The following AGBL4 variants were observed in gnomAD, a reference collection of about 807,000 sequenced individuals.
AGBL4 encodes the protein cytosolic carboxypeptidase 6.
In AGBL4, 58 loss-of-function variants were observed where a neutral mutation model predicts 66.4. The observed-to-expected ratio is 0.87, with a 90% CI of 0.71 to 1.09. The LOEUF (loss-of-function observed/expected upper bound fraction) is 1.09, where lower values mean the gene tolerates loss of function less well. Ranked by LOEUF, AGBL4 falls within the 50% of genes least tolerant of loss-of-function variation. The pLI, the probability that AGBL4 is intolerant of heterozygous loss-of-function variation, is 0.00. For missense variants in AGBL4, 579 were observed against 631.0 expected, an observed-to-expected ratio of 0.92 and a Z score of 0.88; for synonymous variants, 234 against 222.9, an observed-to-expected ratio of 1.05 and a Z score of -0.44.
At chr1:48,894,848 G>C (rs774123141) in intron 5 of AGBL4, among the ~76,000 whole-genome samples, 1 of 152,284 alleles carries the variant, frequency 6.6e-6, no homozygotes, top group Middle Eastern at 3.4e-3. Flanking sequence ...AAAACAAAGA[G>C]GTTTCCAGTA....
chr1:48,575,107 G>A (rs1254314142), intron 11 of AGBL4, among the ~76,000 whole-genome samples: 1 of 152,108 alleles, frequency 6.6e-6, no homozygotes. Flanking sequence ...ATGGGATCTC[G>A]GGCAGGGTAG....
intron 9 of AGBL4, among the ~76,000 whole-genome samples, chr1:48,603,843 T>C (rs1569968072): frequency 6.6e-6 from 1 of 152,216 alleles, no homozygotes. Context: ...CGGTAGCTCA[T>C]GCCTGTAATC....
chr1:48,692,795 ACT>A (rs774602329), intron 6 of AGBL4, among the ~76,000 whole-genome samples: 12 of 151,686 alleles, frequency 7.9e-5, no homozygotes, highest in Non-Finnish European at 1.5e-4. Flanking sequence ...CCATCCTCTC[ACT>A]CTCTCCTCTT....
At chr1:48,537,442 TC>T (rs1306789881) in intron 12 of AGBL4, among the ~76,000 whole-genome samples, 7 of 152,138 alleles carry the variant, frequency 4.6e-5, no homozygotes, top group African/African-American at 1.2e-4. Context: ...CTCCCCTATG[TC>T]CTTTAGATCC....
At chr1:49,660,218 G>A (rs1455536995) in intron 3 of AGBL4, among the ~76,000 whole-genome samples, 1 of 151,910 alleles carries the variant, frequency 6.6e-6, no homozygotes, top group Admixed American at 6.6e-5. Context: ...ACAAAGATCT[G>A]ATATCTAGAA....
At chr1:48,912,009 A>G (rs148410273) in intron 5 of AGBL4, among the ~76,000 whole-genome samples, 9 of 152,292 alleles carry the variant, frequency 5.9e-5, no homozygotes, top group Admixed American at 1.3e-4. Context: ...ATCATTTCTC[A>G]TTTCCCTCTA....
chr1:49,579,064 C>G (rs1392228940), intron 3 of AGBL4, among the ~76,000 whole-genome samples: 1 of 152,138 alleles, frequency 6.6e-6, no homozygotes, highest in Non-Finnish European at 1.5e-5. Flanking sequence ...TAACATTTTT[C>G]CCCCATGCTG....
At chr1:49,466,958 TAA>T (rs1413075724) in intron 3 of AGBL4, among the ~76,000 whole-genome samples, 1 of 151,700 alleles carries the variant, frequency 6.6e-6, no homozygotes, top group Non-Finnish European at 1.5e-5. Context: ...AGTTCAAAAT[TAA>T]AGTCAGAGAA....
chr1:48,870,126 A>G (rs1302946350), intron 5 of AGBL4, among the ~76,000 whole-genome samples: 1 of 152,002 alleles, frequency 6.6e-6, no homozygotes, highest in Non-Finnish European at 1.5e-5. Context: ...TTCTTTGAAC[A>G]CCACCTCCCA....
chr1:49,465,487 C>T (rs1646611495), intron 3 of AGBL4, among the ~76,000 whole-genome samples: 1 of 151,754 alleles, frequency 6.6e-6, no homozygotes. Context: ...CTGTCCTCTC[C>T]CTATCTCCTC....
At position 49,468,080 on chromosome 1, in the gene AGBL4, G is replaced by A. The variant is rs190462553; in HGVS notation, c.283-222216C>T. On this transcript the variant is annotated intron_variant, in intron 3 of 13. Coordinates refer to ENST00000371839, the MANE Select transcript of AGBL4 (RefSeq NM_032785.4). ...TCTTTAGACAAATAAAATTGCAGTT[G>A]ATCCTTCAACAACATAGGTAACATA... Among the ~76,000 whole-genome samples, 4 of 151,910 alleles carry A rather than the reference G, an allele frequency of 2.6e-5. No homozygotes were observed. The East Asian group carries it at 7.8e-4, about 30-fold the overall frequency.
At chr1:49,865,713 G>T (rs1375392704) in intron 1 of AGBL4, among the ~76,000 whole-genome samples, 2 of 152,156 alleles carry the variant, frequency 1.3e-5, no homozygotes, top group Non-Finnish European at 2.9e-5. Flanking sequence ...CCAAATGATT[G>T]CAACATCTCT....
At chr1:48,531,147 GCAGA>G (rs1643903831), downstream of AGBL4, among the ~76,000 whole-genome samples, 1 of 152,078 alleles carries the variant, frequency 6.6e-6, no homozygotes, top group Non-Finnish European at 1.5e-5. Context: ...ATGTGGAAAA[GCAGA>G]CAGTCATCTT....
intron 3 of AGBL4, among the ~76,000 whole-genome samples, chr1:49,448,893 A>G (rs1557950417): frequency 1.3e-5 from 2 of 150,990 alleles, no homozygotes; most frequent in Non-Finnish European, 1.5e-5. Flanking sequence ...TTTTAAATAT[A>G]TGATTAATAC....
At chr1:48,687,518 C>T (rs1872281) in intron 6 of AGBL4, among the ~76,000 whole-genome samples, 2,097 of 152,196 alleles carry the variant, frequency 0.014, 28 homozygotes, top group South Asian at 0.058. Flanking sequence ...AGGCAGGGAG[C>T]GAGGGGAGAG....
chr1:49,371,972 C>T (rs772537141), intron 3 of AGBL4, among the ~76,000 whole-genome samples: 7 of 151,350 alleles, frequency 4.6e-5, no homozygotes, highest in Non-Finnish European at 8.8e-5. Flanking sequence ...GAACAAACTT[C>T]GATGAAAAAT....
At chr1:49,967,501 C>T (rs575588748) in intron 1 of AGBL4, among the ~76,000 whole-genome samples, 256 of 151,200 alleles carry the variant, frequency 1.7e-3, no homozygotes, top group African/African-American at 4.9e-3. Context: ...TATCACATAC[C>T]GGGGCCTGTC....
chr1:48,642,471 A>G (rs1361836179), intron 8 of AGBL4, among the ~76,000 whole-genome samples: 1 of 152,036 alleles, frequency 6.6e-6, no homozygotes, highest in African/African-American at 2.4e-5. Flanking sequence ...GTTCAGGTGG[A>G]TTTCCAGCAT....
chr1:48,671,360 G>C (rs549690597), intron 6 of AGBL4, among the ~76,000 whole-genome samples: 1 of 152,344 alleles, frequency 6.6e-6, no homozygotes, highest in African/African-American at 2.4e-5. Context: ...GTCAGACACT[G>C]TCCCTGCCAT....
Sources: allele counts gnomAD v4.1 joint callset (sites outside exome capture counted in the v4.1 genomes callset), GRCh38; gene constraint gnomAD v4.1.1; transcripts MANE v1.5; gene names NCBI Gene and HGNC (gene_info 2026-07-23, HGNC 2026-07-21).